The following CYP20A1 variants were observed in gnomAD, a reference collection of about 807,000 sequenced individuals.
The protein encoded by CYP20A1 is cytochrome P450 family 20 subfamily A member 1.
Under a neutral mutation model 61.4 loss-of-function variants are expected in CYP20A1, and 61 were observed. The ratio of observed to expected loss-of-function variants is 0.99; its 90% confidence interval spans 0.81 to 1.23. The LOEUF (loss-of-function observed/expected upper bound fraction) is 1.23, where lower values mean the gene tolerates loss of function less well. Ranked by LOEUF, CYP20A1 falls within the 50% of genes most tolerant of loss-of-function variation. CYP20A1 has a pLI of 0.00. For missense variants in CYP20A1, 530 were observed against 542.4 expected, an observed-to-expected ratio of 0.98 and a Z score of 0.23; for synonymous variants, 193 against 188.2, an observed-to-expected ratio of 1.03 and a Z score of -0.21.
intron 8 of CYP20A1, among the ~76,000 whole-genome samples, chr2:203,283,689 G>A (rs573175697): frequency 6.6e-6 from 1 of 151,090 alleles, no homozygotes; most frequent in South Asian, 2.1e-4. Flanking sequence ...GCTGGGACTA[G>A]AGGCGCGTGC....
At chr2:203,291,116 A>G (rs548497972) in intron 10 of CYP20A1, among the ~76,000 whole-genome samples, 3 of 152,226 alleles carry the variant, frequency 2.0e-5, no homozygotes, top group South Asian at 4.1e-4. Context: ...TCTGTTACCT[A>G]GGCTGGAGTG....
intron 4 of CYP20A1, among the ~76,000 whole-genome samples, chr2:203,256,512 A>C (rs2066898927): frequency 6.6e-6 from 1 of 152,068 alleles, no homozygotes; most frequent in African/African-American, 2.4e-5. Context: ...GGTGCATGCC[A>C]CAACGCCCGG....
At chr2:203,269,626 C>A (rs2067480934) in intron 5 of CYP20A1, among the ~76,000 whole-genome samples, 1 of 151,824 alleles carries the variant, frequency 6.6e-6, no homozygotes, top group Non-Finnish European at 1.5e-5. Flanking sequence ...TCCCCAGTAG[C>A]TGGGATTACA....
Position 203,304,001 on chromosome 2 carries a change from C to A in CYP20A1, c.*7093C>A, listed in dbSNP as rs536855558. On this transcript the variant is annotated 3_prime_UTR_variant, in exon 13 of 13. Transcript: ENST00000356079. Reference sequence around the variant, plus strand: ...TTGGGAGTCCAAAGTGGGCGTATAACTTGAGGTCAGGAGTTCAAGAACAGC... The same window carrying A: ...TTGGGAGTCCAAAGTGGGCGTATAAATTGAGGTCAGGAGTTCAAGAACAGC... Among the ~76,000 whole-genome samples, 1 of 151,830 alleles carries A rather than the reference C, an allele frequency of 6.6e-6. No homozygotes were observed. The highest frequency in any genetic ancestry group is 1.5e-5 in the Non-Finnish European group (1 of 67,974).
intron 6 of CYP20A1, among the ~76,000 whole-genome samples, chr2:203,275,262 C>G (rs2067767312): frequency 6.6e-6 from 1 of 152,146 alleles, no homozygotes; most frequent in African/African-American, 2.4e-5. Flanking sequence ...CACATTGAAT[C>G]TTTTTAAAAA....
chr2:203,268,786 A>G (rs2152077901), intron 5 of CYP20A1, among the ~76,000 whole-genome samples: 1 of 152,230 alleles, frequency 6.6e-6, no homozygotes, highest in South Asian at 2.1e-4. Context: ...CATTGTACCC[A>G]TTAAGTGATT....
chr2:203,292,329 A>T lies in CYP20A1; in HGVS notation c.1148+3A>T. On this transcript the variant is annotated splice_donor_region_variant and intron_variant, in intron 11 of 12. Coordinates refer to ENST00000356079, the MANE Select transcript of CYP20A1 (RefSeq NM_177538.3). ...AATACTTGGCCATCTCCACACAAGTATGAAATATTTGTCATTGTATTTGTG... is the reference window on the plus strand; with the variant it reads ...AATACTTGGCCATCTCCACACAAGTTTGAAATATTTGTCATTGTATTTGTG... The T allele has an allele frequency of 6.2e-7, 1 of 1,605,644 alleles. No homozygotes were observed. Among genetic ancestry groups the T allele is most frequent in the African/African-American group, 1.3e-5 (1 of 74,840 alleles).
In CYP20A1 at chr2:203,289,809, T is replaced by C; in HGVS notation, c.1016T>C (p.Leu339Pro). Residue 339 changes from leucine (L) to proline (P), a missense_variant, in exon 10 of 13, where the codon CTG (leucine) becomes CCG (proline). Coordinates refer to ENST00000356079, the MANE Select transcript of CYP20A1 (RefSeq NM_177538.3). The part of the protein sequence containing the change: ...VLCETVRTAK[L>P]TPVSAQLQDI... ...TGTGAAACTGTTCGAACTGCCAAACTGACTCCAGTTTCTGCCCAGCTTCAA... is the reference window on the plus strand; with the variant it reads ...TGTGAAACTGTTCGAACTGCCAAACCGACTCCAGTTTCTGCCCAGCTTCAA... 2.5e-6 allele frequency: 4 copies of C among 1,601,584 alleles called. No individual in the cohort carries two copies. The highest frequency in any genetic ancestry group is 3.4e-6 in the Non-Finnish European group (4 of 1,173,390).
chr2:203,299,549 GA>G lies in CYP20A1; in HGVS notation c.*2651del, dbSNP rs909614774. Among the ~76,000 whole-genome samples, 11 of 150,790 alleles carry G rather than the reference GA, an allele frequency of 7.3e-5. No homozygotes were observed. The highest frequency in any genetic ancestry group is 1.9e-4 in the East Asian group (1 of 5,172). On this transcript the variant is annotated 3_prime_UTR_variant, in exon 13 of 13. Coordinates refer to ENST00000356079, the MANE Select transcript of CYP20A1 (RefSeq NM_177538.3). ...TTAATTGGATGCAGTCTGTATTTTTGAAAAAAAAAATTTTTTTTGGAATAAC... is the reference window on the plus strand; with the variant it reads ...TTAATTGGATGCAGTCTGTATTTTTGAAAAAAAAATTTTTTTTGGAATAAC...
At chr2:203,274,940 T>C (rs1469610659) in intron 6 of CYP20A1, among the ~76,000 whole-genome samples, 2 of 152,246 alleles carry the variant, frequency 1.3e-5, no homozygotes, top group African/African-American at 4.8e-5. Context: ...ATGTGTTCCT[T>C]GGGCTGTAAC....
chr2:203,247,467 C>T (rs905832811), intron 3 of CYP20A1, among the ~76,000 whole-genome samples: 2 of 151,870 alleles, frequency 1.3e-5, no homozygotes, highest in Non-Finnish European at 2.9e-5. Context: ...GTGTAAATTC[C>T]AACAGGATTT....
At chr2:203,254,932 A>G (rs1454493570) in intron 4 of CYP20A1, among the ~76,000 whole-genome samples, 2 of 151,996 alleles carry the variant, frequency 1.3e-5, no homozygotes, top group Non-Finnish European at 2.9e-5. Context: ...CGGAGGTTGC[A>G]GTGAGCCAAG....
At chr2:203,263,991 T>G (rs1553515514) in intron 4 of CYP20A1, among the ~76,000 whole-genome samples, 3 of 151,964 alleles carry the variant, frequency 2.0e-5, no homozygotes, top group Non-Finnish European at 4.4e-5. Context: ...GGTTTTTGTG[T>G]GGGGGGCGTG....
intron 4 of CYP20A1, among the ~76,000 whole-genome samples, chr2:203,264,130 G>T (rs1374830739): frequency 1.3e-5 from 2 of 151,980 alleles, no homozygotes; most frequent in African/African-American, 4.8e-5. Flanking sequence ...GCTGGTACAG[G>T]TGTGCACCCC....
intron 6 of CYP20A1, among the ~76,000 whole-genome samples, chr2:203,275,957 A>G (rs761058847): frequency 6.6e-6 from 1 of 152,244 alleles, no homozygotes; most frequent in African/African-American, 2.4e-5. Flanking sequence ...GTAGACAAAA[A>G]TAAAACCAGA....
At chr2:203,272,933 G>A (rs913685586) in intron 6 of CYP20A1, among the ~76,000 whole-genome samples, 185 bp downstream of exon 6, 1 of 150,110 alleles carries the variant, frequency 6.7e-6, no homozygotes, top group Non-Finnish European at 1.5e-5. Context: ...AGCAACCTCC[G>A]CCTCCCAGGT....
chr2:203,269,882 G>C (rs1260064292), intron 5 of CYP20A1, among the ~76,000 whole-genome samples: 1 of 152,194 alleles, frequency 6.6e-6, no homozygotes, highest in Non-Finnish European at 1.5e-5. Flanking sequence ...GCCCACCTCA[G>C]CCTCCCAAAG....
Position 203,298,356 on chromosome 2 carries a change from C to T in CYP20A1, c.*1448C>T. ...AGTGATCTGTGATCACACCACTGCA[C>T]TCCAGCCTGGGCAACAGAGCAAAAC... is the stretch of plus-strand genomic sequence containing the variant. On this transcript the variant is annotated 3_prime_UTR_variant, in exon 13 of 13. Coordinates refer to ENST00000356079, the MANE Select transcript of CYP20A1 (RefSeq NM_177538.3). The T allele has an allele frequency of 5.3e-6, 1 of 189,398 alleles. No individual in the cohort carries two copies. The highest frequency in any genetic ancestry group is 1.1e-5 in the Non-Finnish European group (1 of 91,546). 11.7% of individuals were successfully genotyped at this position (189,398 alleles called of 1,614,324 possible).
intron 8 of CYP20A1, among the ~76,000 whole-genome samples, chr2:203,282,035 CTTTTTTTT>C (rs113768629): frequency 8.6e-6 from 1 of 116,414 alleles, no homozygotes; most frequent in Non-Finnish European, 1.7e-5. Flanking sequence ...TGTATTCAAC[CTTTTTTTT>C]TTTTTTTTTT....
Sources: allele counts gnomAD v4.1 joint callset (sites outside exome capture counted in the v4.1 genomes callset), GRCh38; gene constraint gnomAD v4.1.1; transcripts MANE v1.5; gene names NCBI Gene and HGNC (gene_info 2026-07-23, HGNC 2026-07-21).